RYR3: variants seen among roughly 807,000 people sequenced by gnomAD.
RYR3 encodes brain ryanodine receptor-calcium release channel.
A neutral mutation model predicts 584.3 loss-of-function variants in RYR3; 207 were observed. The observed-to-expected ratio is 0.35, with a 90% CI of 0.32 to 0.40. RYR3 has a LOEUF of 0.40. RYR3 is among the 10% of genes least tolerant of loss of function. RYR3 has a pLI of 1.00. For missense variants in RYR3, 5,616 were observed against 6,089.2 expected (o/e 0.92, Z 2.59); for synonymous variants, 2,416 against 2,248.5 (o/e 1.07, Z -2.11).
At chr15:33,322,513 TCAA>T (rs1969108064) in intron 1 of RYR3, among the ~76,000 whole-genome samples, 1 of 152,182 alleles carries the variant, frequency 6.6e-6, no homozygotes, top group Non-Finnish European at 1.5e-5. Context: ...GGATTACAAT[TCAA>T]CAAGAGATTT....
intron 12 of RYR3, among the ~76,000 whole-genome samples, chr15:33,578,896 G>A (rs909999686): frequency 4.6e-5 from 7 of 152,122 alleles, no homozygotes; most frequent in East Asian, 3.9e-4. Context: ...CCTCTTCATA[G>A]CCTTTGCCCT....
chr15:33,353,181 A>C (rs1973509718), intron 1 of RYR3, among the ~76,000 whole-genome samples: 1 of 152,226 alleles, frequency 6.6e-6, no homozygotes, highest in Non-Finnish European at 1.5e-5. Flanking sequence ...TGTGGGGAAG[A>C]TAGTAATATA....
intron 43 of RYR3, among the ~76,000 whole-genome samples, chr15:33,718,498 A>C (rs2152803430): frequency 6.6e-6 from 1 of 152,294 alleles, no homozygotes. Flanking sequence ...AAGGAAGAGG[A>C]CAGGGTGTTT....
chr15:33,473,602 A>C, intron 2 of RYR3, 64 bp downstream of exon 2: 1 of 1,540,298 alleles, frequency 6.5e-7, no homozygotes, highest in South Asian at 1.1e-5. Flanking sequence ...CATTTAGGGG[A>C]GATACTGCTG....
At chr15:33,832,272 C>T (rs939911538) in intron 86 of RYR3, among the ~76,000 whole-genome samples, 32 of 147,106 alleles carry the variant, frequency 2.2e-4, no homozygotes, top group African/African-American at 7.6e-4. Flanking sequence ...CCAACCTGGG[C>T]GACAGAGCAA....
intron 2 of RYR3, among the ~76,000 whole-genome samples, chr15:33,482,314 T>A (rs945769951): frequency 1.3e-5 from 2 of 152,222 alleles, no homozygotes; most frequent in Non-Finnish European, 2.9e-5. Flanking sequence ...TAGCTCTCAT[T>A]TTTATCATCA....
chr15:33,770,599 A>C (rs541946634), intron 62 of RYR3, among the ~76,000 whole-genome samples: 75 of 152,236 alleles, frequency 4.9e-4, no homozygotes, highest in Non-Finnish European at 8.2e-4. Context: ...AAATTTTAAA[A>C]ATTATCCAGA....
At position 33,757,609 on chromosome 15, in the gene RYR3, G is replaced by A. The variant is rs1410942279; in HGVS notation, c.8705+13G>A. On this transcript the variant is annotated intron_variant, in intron 60 of 103. Transcript: ENST00000634891. ...AAATGGTGGCCGGGTGAGTCTACAA[G>A]ATAAAGGGAAGGTGATGGTGCTGAT... is the stretch of plus-strand genomic sequence containing the variant. The A allele has an allele frequency of 6.2e-7, 1 of 1,607,730 alleles. No homozygotes were observed. Among genetic ancestry groups the A allele is most frequent in the Non-Finnish European group, 8.5e-7 (1 of 1,177,282 alleles).
chr15:33,850,722 A>G (rs2079043969), intron 94 of RYR3: 1 of 152,178 alleles, frequency 6.6e-6, no homozygotes, highest in Admixed American at 6.5e-5. Flanking sequence ...TGTACATTTT[A>G]CAGTATAATT....
Position 33,539,478 on chromosome 15 carries a change from T to C in RYR3, c.546+16T>C, listed in dbSNP as rs765110332. ...AAGATACCTTGTAAGTACCTCATAA[T>C]ATAAGAGTCTTCTGTTTTCAGAAAT... On this transcript the variant is annotated intron_variant, in intron 6 of 103. Coordinates refer to ENST00000634891, the MANE Select transcript of RYR3 (RefSeq NM_001036.6). The C allele has an allele frequency of 6.8e-7, 1 of 1,476,606 alleles. No individual in the cohort carries two copies. The highest frequency in any genetic ancestry group is 1.2e-5 in the South Asian group (1 of 83,244). The allele number at this position is 1,476,606 out of a possible 1,614,324, so 91.5% of individuals were successfully genotyped here.
intron 1 of RYR3, among the ~76,000 whole-genome samples, chr15:33,314,321 T>C (rs575379260): frequency 3.9e-5 from 6 of 152,314 alleles, no homozygotes; most frequent in African/African-American, 1.4e-4. Context: ...GCCAGTGTCA[T>C]TGACGTGGCT....
Position 33,769,168 on chromosome 15 carries a change from AC to A in RYR3, c.8813del (p.Thr2938LysfsTer5). ...CLHILAQTLD[T>X]RTVMKSGSEL... ...TCACATCTTAGCTCAGACACTTGAC[AC>A]AAGGTAAGTCTGCCCAGTTTTTCCC... On this transcript the variant is annotated frameshift_variant, in exon 62 of 104. Transcript: ENST00000634891. LOFTEE classifies it high-confidence loss of function. 1 of 1,612,346 alleles carries A rather than the reference AC, an allele frequency of 6.2e-7. No individual in the cohort carries two copies.
intron 60 of RYR3, among the ~76,000 whole-genome samples, chr15:33,762,251 G>A (rs2072522000): frequency 6.6e-6 from 1 of 152,132 alleles, no homozygotes; most frequent in Admixed American, 6.5e-5. Flanking sequence ...GGAAGTTCTG[G>A]CCAGGGCAAT....
In RYR3 at chr15:33,701,180, C is replaced by G. The variant is rs114751887; in HGVS notation, c.6483+100C>G. The G allele has an allele frequency of 1.1e-5, 8 of 707,836 alleles. No individual in the cohort carries two copies. The African/African-American group carries it at 1.4e-4, about 12-fold the overall frequency. The allele number at this position is 707,836 out of a possible 1,614,324, so 43.8% of individuals were successfully genotyped here. On this transcript the variant is annotated intron_variant, in intron 42 of 103. Coordinates refer to ENST00000634891, the MANE Select transcript of RYR3 (RefSeq NM_001036.6). Reference sequence around the variant, plus strand: ...ACGGATGGAGTCTCTGTCACTGTATCGTCATCTTGGTGGGCTTGTAGGGAA... The same window carrying G: ...ACGGATGGAGTCTCTGTCACTGTATGGTCATCTTGGTGGGCTTGTAGGGAA...
chr15:33,676,058 G>A (rs141733713), intron 38 of RYR3, among the ~76,000 whole-genome samples: 3 of 152,244 alleles, frequency 2.0e-5, no homozygotes, highest in Non-Finnish European at 2.9e-5. Flanking sequence ...AATGCAGATG[G>A]AATTAAGAGT....
rs995980367 is a variant in RYR3 at position 33,390,477 on chromosome 15, G to A, written c.51+79381G>A. Among the ~76,000 whole-genome samples, 6 of 152,178 alleles carry A rather than the reference G, an allele frequency of 3.9e-5. No homozygotes were observed. In the South Asian group the frequency reaches 1.2e-3, roughly 32 times the overall value. Reference sequence around the variant, plus strand: ...GTGAAGTTGCTTCTCTTTATCTGTTGATCTTATGATGCTGAAAATAGGGGA... The same window carrying A: ...GTGAAGTTGCTTCTCTTTATCTGTTAATCTTATGATGCTGAAAATAGGGGA... On this transcript the variant is annotated intron_variant, in intron 1 of 103. Coordinates refer to ENST00000634891, the MANE Select transcript of RYR3 (RefSeq NM_001036.6). The surrounding 1 kb of genome is among the most constrained non-coding windows in gnomAD (Gnocchi z 4.2).
chr15:33,745,293 A>C (rs916006918), intron 52 of RYR3, among the ~76,000 whole-genome samples: 2 of 151,818 alleles, frequency 1.3e-5, no homozygotes, highest in African/African-American at 4.8e-5. Flanking sequence ...TGAAACTAGG[A>C]GGGAGTTTCT....
intron 52 of RYR3, 64 bp downstream of exon 52, chr15:33,742,508 C>A: frequency 9.4e-7 from 1 of 1,062,684 alleles, no homozygotes; most frequent in Non-Finnish European, 1.5e-6. Flanking sequence ...CATTAAAGGG[C>A]CCAGTCCTGG....
chr15:33,861,051 G>C (rs1387704604), intron 101 of RYR3, 27 bp from the exon 102 acceptor site: 1 of 1,495,646 alleles, frequency 6.7e-7, no homozygotes, highest in East Asian at 2.4e-5. Context: ...GCCAACAAAT[G>C]CCTTTTCTGC....
Sources: allele counts gnomAD v4.1 joint callset (sites outside exome capture counted in the v4.1 genomes callset), GRCh38; gene constraint gnomAD v4.1.1; non-coding constraint Gnocchi (gnomAD v3.1); transcripts MANE v1.5; gene names NCBI Gene and HGNC (gene_info 2026-07-23, HGNC 2026-07-21).